The following SPRY3 variants were observed in gnomAD, a reference collection of about 807,000 sequenced individuals.
The protein encoded by SPRY3 is protein sprouty homolog 3.
SPRY3 carries 15 observed loss-of-function variants against 20.2 expected under a neutral mutation model. The ratio of observed to expected loss-of-function variants is 0.74; its 90% CI spans 0.50 to 1.14. SPRY3 has a LOEUF of 1.14. Ranked by LOEUF, SPRY3 falls within the 50% of genes most tolerant of loss-of-function variation. The pLI is 0.00. For synonymous variants in SPRY3, 143 were observed against 136.5 expected, an observed-to-expected ratio of 1.05 and a Z score of -0.33; for missense variants, 364 against 363.9, an observed-to-expected ratio of 1.00 and a Z score of 0.00.
chrX:155,732,928 T>A (rs1358195624), intron 2 of SPRY3, among the ~76,000 whole-genome samples: 1 of 151,968 alleles, frequency 6.6e-6, no homozygotes, highest in Non-Finnish European at 1.5e-5. Context: ...ATTTTTTATT[T>A]TCACTTAGTC....
exon 4 of SPRY3, chrX:155,774,819 A>G: frequency 6.7e-7 from 1 of 1,488,582 alleles, no homozygotes; most frequent in South Asian, 1.3e-5. Flanking sequence ...GGAGAGGGGG[A>G]GGAGTGATAA....
intron 2 of SPRY3, 58 bp from the exon 2 acceptor site, chrX:155,767,904 T>TTTTTG (rs927819283): frequency 0.01 from 1,588 of 151,658 alleles, 19 homozygotes; most frequent in African/African-American, 0.024. Flanking sequence ...CTCCCCCGTT[T>TTTTTG]TTTTGTTTTG....
At chrX:155,716,660 C>A (rs957648741) in intron 2 of SPRY3, among the ~76,000 whole-genome samples, 1 of 151,796 alleles carries the variant, frequency 6.6e-6, no homozygotes, top group Admixed American at 6.6e-5. Context: ...CTGTCTTCCC[C>A]GTGCTGTGTA....
intron 3 of SPRY3, 107 bp downstream of exon 2, chrX:155,768,243 G>GCGC (rs1556231764): frequency 5.0e-5 from 5 of 100,524 alleles, no homozygotes; most frequent in African/African-American, 2.0e-4. Context: ...GCGTGTGTGT[G>GCGC]CCGCGCGCTT....
intron 2 of SPRY3, among the ~76,000 whole-genome samples, chrX:155,657,515 A>C (rs2067995942): frequency 8.9e-6 from 1 of 112,365 alleles, no homozygotes; most frequent in Non-Finnish European, 1.9e-5. Flanking sequence ...TAGCAGCAAG[A>C]ATTTCAAGCC....
chrX:155,613,152 C>A lies in SPRY3; in HGVS notation c.-441+505C>A, dbSNP rs1557348550. On this transcript the variant is annotated intron_variant, in intron 1 of 3. Coordinates refer to ENST00000675360, the Ensembl canonical transcript of SPRY3. Reference sequence around the variant, plus strand: ...GCCCATAAAGCTATAAAACCTGGGTCCCCTGCCTGCCATTTCAGTGCTCCT... The same window carrying A: ...GCCCATAAAGCTATAAAACCTGGGTACCCTGCCTGCCATTTCAGTGCTCCT... Among the ~76,000 whole-genome samples, 7 of 112,158 alleles carry A rather than the reference C, an allele frequency of 6.2e-5. No homozygotes were observed. In the South Asian group the frequency reaches 2.3e-3, roughly 36 times the overall value.
chrX:155,621,257 C>T (rs1033715352), intron 1 of SPRY3, among the ~76,000 whole-genome samples: 1 of 112,030 alleles, frequency 8.9e-6, no homozygotes, highest in Non-Finnish European at 1.9e-5. Context: ...ATTCTATGCA[C>T]GTCTTGTACT....
At chrX:155,767,749 G>GAGAAAGAGGAGGAGT (rs2091348561) in intron 2 of SPRY3, 1 of 149,226 alleles carries the variant, frequency 6.7e-6, no homozygotes, top group South Asian at 2.0e-4. Flanking sequence ...AGAGGAGGAG[G>GAGAAAGAGGAGGAGT]AGGAGAGAGA....
At chrX:155,676,079 T>C (rs1206707354) in intron 2 of SPRY3, among the ~76,000 whole-genome samples, 2 of 111,239 alleles carry the variant, frequency 1.8e-5, no homozygotes, top group Non-Finnish European at 3.8e-5. Flanking sequence ...TTTTTTGAAA[T>C]GAAGAAATAC....
chrX:155,673,063 T>G (rs1256609808), intron 2 of SPRY3, among the ~76,000 whole-genome samples: 1 of 19,556 alleles, frequency 5.1e-5, no homozygotes, highest in East Asian at 2.2e-3. Context: ...TGGGGACTGT[T>G]GTGGGGTGGG....
downstream of SPRY3, chrX:155,781,304 T>C: frequency 6.0e-6 from 1 of 167,148 alleles, no homozygotes; most frequent in Non-Finnish European, 1.5e-5. Flanking sequence ...TTTCCCTGGA[T>C]TGGTTTTTTC....
At chrX:155,675,950 G>C (rs183666610) in intron 2 of SPRY3, among the ~76,000 whole-genome samples, 1 of 111,326 alleles carries the variant, frequency 9.0e-6, no homozygotes, top group African/African-American at 3.3e-5. Context: ...GTTCATTCCT[G>C]GTAATCACCA....
chrX:155,731,690 C>A (rs888457099), intron 2 of SPRY3, among the ~76,000 whole-genome samples: 2 of 151,880 alleles, frequency 1.3e-5, no homozygotes, highest in Admixed American at 1.3e-4. Context: ...TTCTGCACAG[C>A]AAAGGAAACA....
intron 2 of SPRY3, chrX:155,767,700 G>C (rs906456349): frequency 7.9e-6 from 1 of 126,638 alleles, no homozygotes; most frequent in Non-Finnish European, 1.6e-5. Flanking sequence ...AGGAGGAGGA[G>C]AAAGAAGAGG....
intron 1 of SPRY3, among the ~76,000 whole-genome samples, chrX:155,655,920 T>C (rs2067990906): frequency 8.9e-6 from 1 of 112,304 alleles, no homozygotes; most frequent in African/African-American, 3.2e-5. Context: ...TTTAAGAATG[T>C]TGAATATTGG....
At chrX:155,749,038 A>G (rs1488985081) in intron 2 of SPRY3, among the ~76,000 whole-genome samples, 1 of 151,960 alleles carries the variant, frequency 6.6e-6, no homozygotes, top group African/African-American at 2.4e-5. Flanking sequence ...ATATGGATAA[A>G]TAGGATTTAG....
intron 2 of SPRY3, among the ~76,000 whole-genome samples, chrX:155,737,329 C>T (rs905084915): frequency 5.3e-4 from 81 of 152,092 alleles, no homozygotes; most frequent in Non-Finnish European, 1.0e-3. Flanking sequence ...CAGTATGATT[C>T]AGGCAGGGTG....
chrX:155,683,881 G>A (rs949767224), intron 2 of SPRY3, among the ~76,000 whole-genome samples: 4 of 111,769 alleles, frequency 3.6e-5, no homozygotes, highest in African/African-American at 1.3e-4. Context: ...AGAGGAAAAT[G>A]ATCTAACTAA....
chrX:155,711,116 A>G (rs2090983195), intron 2 of SPRY3, among the ~76,000 whole-genome samples: 1 of 151,710 alleles, frequency 6.6e-6, no homozygotes, highest in Non-Finnish European at 1.5e-5. Flanking sequence ...GTTAGCCTAT[A>G]GTTTTCTTTT....
Sources: allele counts gnomAD v4.1 joint callset (sites outside exome capture counted in the v4.1 genomes callset), GRCh38; gene constraint gnomAD v4.1.1; transcripts MANE v1.5; gene names NCBI Gene and HGNC (gene_info 2026-07-23, HGNC 2026-07-21).